Variants in STRBP observed in about 807,000 individuals in gnomAD.
STRBP encodes the protein spermatid perinuclear RNA-binding protein.
STRBP carries 13 observed loss-of-function variants against 80.1 expected under a neutral mutation model. The observed-to-expected ratio is 0.16, with a 90% CI of 0.11 to 0.26. STRBP has a LOEUF of 0.26. Ranked by LOEUF, STRBP falls within the 10% of genes least tolerant of loss-of-function variation. The pLI is 1.00. For missense variants in STRBP, 485 were observed against 815.2 expected, an observed-to-expected ratio of 0.59 and a Z score of 4.93; for synonymous variants, 284 against 291.2, an observed-to-expected ratio of 0.98 and a Z score of 0.25.
intron 6 of STRBP, among the ~76,000 whole-genome samples, chr9:123,165,554 G>A (rs920847973): frequency 6.6e-6 from 1 of 152,160 alleles, no homozygotes; most frequent in African/African-American, 2.4e-5. Flanking sequence ...TAAGCCACAA[G>A]TGTCTCTGTA....
At chr9:123,155,558 C>T (rs908642182) in intron 11 of STRBP, among the ~76,000 whole-genome samples, 4 of 151,450 alleles carry the variant, frequency 2.6e-5, no homozygotes, top group Admixed American at 1.3e-4. Flanking sequence ...AGGGAGAACA[C>T]GAGGAGGATG....
chr9:123,254,865 C>T (rs966643594), intron 1 of STRBP, among the ~76,000 whole-genome samples: 7 of 151,948 alleles, frequency 4.6e-5, no homozygotes, highest in African/African-American at 1.5e-4. Context: ...TATCTAAGGG[C>T]AAAGAAAAAA....
intron 17 of STRBP, 142 bp from the exon 18 acceptor site, chr9:123,128,400 T>C (rs2035984539): frequency 7.7e-6 from 7 of 906,366 alleles, no homozygotes; most frequent in Non-Finnish European, 8.8e-6. Context: ...ACTGCCAGAA[T>C]GGTCCCAGTC....
intron 17 of STRBP, among the ~76,000 whole-genome samples, chr9:123,128,479 T>C (rs978524819): frequency 7.9e-5 from 12 of 152,208 alleles, no homozygotes; most frequent in African/African-American, 2.9e-4. Flanking sequence ...CTCTCCTAGA[T>C]GTGCCAGACT....
chr9:123,153,191 A>AT (rs781272627), intron 11 of STRBP, among the ~76,000 whole-genome samples: 20,061 of 140,988 alleles, frequency 0.14, 4,458 homozygotes, highest in African/African-American at 0.48. Context: ...TTCTAGACTC[A>AT]TTTTTTTTTT....
At chr9:123,171,627 G>C (rs1441818743) in intron 5 of STRBP, among the ~76,000 whole-genome samples, 2 of 152,136 alleles carry the variant, frequency 1.3e-5, no homozygotes, top group Non-Finnish European at 2.9e-5. Flanking sequence ...TCTGAGATTA[G>C]TGTACAATCA....
At chr9:123,234,650 C>A (rs894952239) in intron 2 of STRBP, among the ~76,000 whole-genome samples, 5 of 152,124 alleles carry the variant, frequency 3.3e-5, no homozygotes, top group Non-Finnish European at 5.9e-5. Flanking sequence ...AGTGCCTAGT[C>A]TCAGCATAAA....
At chr9:123,112,464 C>CCTT (rs1469360783) in intron 3 of STRBP, 1 of 167,422 alleles carries the variant, frequency 6.0e-6, no homozygotes, top group Non-Finnish European at 1.5e-5. Flanking sequence ...GCTATTCCCA[C>CCTT]CTTCTGTTCA....
At chr9:123,189,023 T>G (rs1338970871) in intron 2 of STRBP, among the ~76,000 whole-genome samples, 1 of 152,102 alleles carries the variant, frequency 6.6e-6, no homozygotes, top group Non-Finnish European at 1.5e-5. Flanking sequence ...TAAGATAAAC[T>G]ATGTGAGATT....
intron 4 of STRBP, among the ~76,000 whole-genome samples, chr9:123,178,175 CTAT>C (rs944051276): frequency 2.6e-5 from 4 of 152,158 alleles, no homozygotes; most frequent in Non-Finnish European, 5.9e-5. Flanking sequence ...CAATACTTTC[CTAT>C]TATTATTTAC....
At chr9:123,232,725 G>A (rs1046160401) in intron 2 of STRBP, among the ~76,000 whole-genome samples, 1 of 152,180 alleles carries the variant, frequency 6.6e-6, no homozygotes, top group Admixed American at 6.5e-5. Flanking sequence ...CATCTTCGAA[G>A]AAAAAGAACG....
At chr9:123,232,014 A>G (rs1040299820) in intron 2 of STRBP, among the ~76,000 whole-genome samples, 3 of 152,166 alleles carry the variant, frequency 2.0e-5, no homozygotes, top group Non-Finnish European at 2.9e-5. Flanking sequence ...TTCATCTTTC[A>G]AAACCCAACT....
Position 123,122,530 on chromosome 9 carries a change from G to T in STRBP, c.*3067C>A. Reference sequence around the variant, plus strand: ...TAACAATTTGAGAGAGACTACAAACGACTTCAGAACTATATAAACTCAACT... The same window carrying T: ...TAACAATTTGAGAGAGACTACAAACTACTTCAGAACTATATAAACTCAACT... On this transcript the variant is annotated 3_prime_UTR_variant, in exon 19 of 19. Coordinates refer to ENST00000348403, the MANE Select transcript of STRBP (RefSeq NM_018387.5). The T allele has an allele frequency of 8.5e-7, 1 of 1,173,880 alleles. No individual in the cohort carries two copies. Among genetic ancestry groups the T allele is most frequent in the Non-Finnish European group, 1.1e-6 (1 of 939,114 alleles). The allele number at this position is 1,173,880 out of a possible 1,614,324, so 72.7% of individuals were successfully genotyped here.
intron 1 of STRBP, among the ~76,000 whole-genome samples, chr9:123,255,196 A>G (rs1472179869): frequency 6.6e-6 from 1 of 152,156 alleles, no homozygotes; most frequent in East Asian, 1.9e-4. Context: ...ACATCCTCTG[A>G]TATCTTCTGG....
chr9:123,204,631 A>C (rs1458984953), intron 2 of STRBP, among the ~76,000 whole-genome samples: 1 of 152,192 alleles, frequency 6.6e-6, no homozygotes, highest in Non-Finnish European at 1.5e-5. Context: ...TTAAGAATTC[A>C]AATATGCTGT....
chr9:123,254,914 T>C (rs968137200), intron 1 of STRBP, among the ~76,000 whole-genome samples: 2 of 152,178 alleles, frequency 1.3e-5, no homozygotes, highest in African/African-American at 4.8e-5. Flanking sequence ...AAGCTCAAGG[T>C]CACCCTTCTA....
At chr9:123,221,446 G>A (rs1434111383) in intron 2 of STRBP, among the ~76,000 whole-genome samples, 1 of 152,182 alleles carries the variant, frequency 6.6e-6, no homozygotes, top group African/African-American at 2.4e-5. Flanking sequence ...AGACCCTTCA[G>A]AGTCATATTT....
intron 1 of STRBP, among the ~76,000 whole-genome samples, chr9:123,261,548 CAA>C (rs2041161537): frequency 6.6e-6 from 1 of 152,152 alleles, no homozygotes; most frequent in African/African-American, 2.4e-5. Flanking sequence ...TGACCAACTT[CAA>C]AAGTCAATGT....
intron 16 of STRBP, among the ~76,000 whole-genome samples, chr9:123,134,251 T>C (rs1588458990): frequency 6.6e-6 from 1 of 152,210 alleles, no homozygotes; most frequent in Admixed American, 6.5e-5. Flanking sequence ...AAGAAAGTGG[T>C]GCAAAGCCTC....
Sources: gnomAD v4.1 joint callset for allele counts (sites outside exome capture counted in the v4.1 genomes callset) on GRCh38, gnomAD v4.1.1 for gene constraint, MANE v1.5 for transcripts, NCBI Gene and HGNC (gene_info 2026-07-23, HGNC 2026-07-21) for gene names.